The following PITX3 variants were observed in gnomAD, a reference collection of about 807,000 sequenced individuals.
PITX3 encodes paired like homeodomain 3.
Under a neutral mutation model 14.2 loss-of-function variants are expected in PITX3, and 4 were observed. The ratio of observed to expected loss-of-function variants is 0.28; its 90% CI spans 0.14 to 0.65. The LOEUF is 0.65. Among genes scored for constraint, PITX3 ranks in the 30% least tolerant of loss-of-function variants. The pLI, the probability that PITX3 is intolerant of heterozygous loss-of-function variation, is 0.82. For missense variants in PITX3, 358 were observed against 426.8 expected, an observed-to-expected ratio of 0.84 and a Z score of 1.42; for synonymous variants, 194 against 204.5, an observed-to-expected ratio of 0.95 and a Z score of 0.44.
chr10:102,234,605 T>C (rs189953979), intron 1 of PITX3, among the ~76,000 whole-genome samples: 4 of 151,952 alleles, frequency 2.6e-5, no homozygotes, highest in East Asian at 1.9e-4. Context: ...GAACTGAGAG[T>C]TGGAAAAAGG....
At chr10:102,236,661 C>G (rs1255630491) in intron 1 of PITX3, among the ~76,000 whole-genome samples, 1 of 152,198 alleles carries the variant, frequency 6.6e-6, no homozygotes, top group African/African-American at 2.4e-5. Flanking sequence ...CCAAGAGACA[C>G]AACCCCATGG....
At chr10:102,231,861 T>C (rs1411027900) in intron 2 of PITX3, 71 bp from the exon 3 acceptor site, 16 of 1,573,488 alleles carry the variant, frequency 1.0e-5, no homozygotes, top group Non-Finnish European at 1.4e-5. Flanking sequence ...GGGGACCTCC[T>C]AAGCCACTCG....
chr10:102,230,649 G>A lies in PITX3; in HGVS notation c.774C>T (p.Asp258=), dbSNP rs898169827. ...GGCTGGCCAGGCTCGAGTTACACGG[G>A]TCCCGATAGACGTAGGGGGAAGAGG... ...AAASSPYVYR[D]PCNSSLASLR... The change falls in exon 4 of 4, where the codon GAC becomes GAT. Residue 258 remains aspartate, a synonymous_variant. Transcript: ENST00000370002. 2.5e-6 allele frequency: 4 copies of A among 1,601,866 alleles called. No homozygotes were observed. Among genetic ancestry groups the A allele is most frequent in the Non-Finnish European group, 3.4e-6 (4 of 1,174,952 alleles).
chr10:102,232,166 T>G, intron 1 of PITX3, 74 bp from the exon 2 acceptor site: 1 of 821,092 alleles, frequency 1.2e-6, no homozygotes, highest in Non-Finnish European at 2.0e-6. Context: ...CAGCAGCGTT[T>G]CCTCGTAAAT....
At chr10:102,234,388 G>C (rs1487182496) in intron 1 of PITX3, among the ~76,000 whole-genome samples, 1 of 152,178 alleles carries the variant, frequency 6.6e-6, no homozygotes, top group Non-Finnish European at 1.5e-5. Context: ...TATTGGGTGT[G>C]AAGAGACAGG....
chr10:102,236,009 TG>T (rs1368781088), intron 1 of PITX3, among the ~76,000 whole-genome samples: 1 of 151,980 alleles, frequency 6.6e-6, no homozygotes, highest in East Asian at 1.9e-4. Flanking sequence ...GAGCCACAGC[TG>T]AGAAGGGACC....
Position 102,230,224 on chromosome 10 carries a change from A to G in PITX3, c.*290T>C. 2.2e-6 allele frequency: 1 copy of G among 445,074 alleles called. No homozygotes were observed. Among genetic ancestry groups the G allele is most frequent in the South Asian group, 4.7e-5 (1 of 21,146 alleles). The allele number at this position is 445,074 out of a possible 1,614,324, so 27.6% of individuals were successfully genotyped here. ...GCACGTTTATTTCATTTATCTTTGA[A>G]AACGAGGGAGGGGAAGCCTGGAGAA... On this transcript the variant is annotated 3_prime_UTR_variant, in exon 4 of 4. Coordinates refer to ENST00000370002, the MANE Select transcript of PITX3 (RefSeq NM_005029.4).
intron 1 of PITX3, among the ~76,000 whole-genome samples, chr10:102,236,367 T>G (rs772188015): frequency 2.0e-5 from 3 of 152,200 alleles, no homozygotes; most frequent in Non-Finnish European, 1.5e-5. Flanking sequence ...ATAACAGTGA[T>G]GGTGAGTCCA....
intron 1 of PITX3, among the ~76,000 whole-genome samples, chr10:102,239,611 G>A (rs976802492): frequency 2.0e-5 from 3 of 152,228 alleles, no homozygotes; most frequent in East Asian, 1.9e-4. Flanking sequence ...TGGGGAATAC[G>A]TATTGTATGT....
chr10:102,233,210 G>A (rs1314903156), intron 1 of PITX3, among the ~76,000 whole-genome samples: 1 of 151,812 alleles, frequency 6.6e-6, no homozygotes, highest in Non-Finnish European at 1.5e-5. Context: ...ACTCAGCTGC[G>A]GTTCTAGCCT....
In PITX3 at chr10:102,230,199, G is replaced by A; in HGVS notation, c.*315C>T. On this transcript the variant is annotated 3_prime_UTR_variant, in exon 4 of 4. Transcript: ENST00000370002. ...AATCATCACGCCTTCGACAGTCCGC[G>A]CACGTTTATTTCATTTATCTTTGAA... 2.5e-6 allele frequency: 1 copy of A among 406,076 alleles called. No individual in the cohort carries two copies. Among genetic ancestry groups the A allele is most frequent in the South Asian group, 4.9e-5 (1 of 20,262 alleles). The allele number at this position is 406,076 out of a possible 1,614,324, so 25.2% of individuals were successfully genotyped here.
In PITX3 at chr10:102,230,808, G is replaced by A. The variant is rs1229711450; in HGVS notation, c.615C>T (p.Ala205=). The change falls in exon 4 of 4, where the codon GCC becomes GCT. Residue 205 remains alanine (A), a synonymous_variant. Coordinates refer to ENST00000370002, the MANE Select transcript of PITX3 (RefSeq NM_005029.4). The stretch of plus-strand genomic sequence containing the variant: ...CCCCAGGCCCTGGCACGGTGCCCGG[G>A]GCAGCCGCGGCGGAGGGCACCATGG... The part of the protein sequence containing the change: ...AASMVPSAAA[A]PGTVPGPGAL... 1 of 1,557,868 alleles carries A rather than the reference G, an allele frequency of 6.4e-7. No homozygotes were observed. Among genetic ancestry groups the A allele is most frequent in the Non-Finnish European group, 8.7e-7 (1 of 1,151,764 alleles).
At position 102,230,389 on chromosome 10, in the gene PITX3, C is replaced by T; in HGVS notation, c.*125G>A. On this transcript the variant is annotated 3_prime_UTR_variant, in exon 4 of 4. Coordinates refer to ENST00000370002, the MANE Select transcript of PITX3 (RefSeq NM_005029.4). ...GGAAGGCCCTCTCCTGAGCCGGTGC[C>T]CCCCAGCTGCCCAAACACCCCTTTC... The T allele has an allele frequency of 7.1e-7, 1 of 1,416,350 alleles. No individual in the cohort carries two copies. 87.7% of individuals were successfully genotyped at this position (1,416,350 alleles called of 1,614,324 possible).
chr10:102,239,778 C>T (rs1046796538), intron 1 of PITX3, among the ~76,000 whole-genome samples: 1 of 152,216 alleles, frequency 6.6e-6, no homozygotes, highest in African/African-American at 2.4e-5. Context: ...TCCTCTTCAG[C>T]ATAATTGAGC....
chr10:102,230,682 C>CGCGGCG lies in PITX3; in HGVS notation c.735_740dup (p.Ala249_Ala250dup), dbSNP rs749538425. 12 of 1,578,618 alleles carry CGCGGCG rather than the reference C, an allele frequency of 7.6e-6. No homozygotes were observed. Among genetic ancestry groups the CGCGGCG allele is most frequent in the African/African-American group, 2.7e-5 (2 of 74,220 alleles). On this transcript the variant is annotated inframe_insertion, in exon 4 of 4. Coordinates refer to ENST00000370002, the MANE Select transcript of PITX3 (RefSeq NM_005029.4). ...AGACGTAGGGGGAAGAGGCGGCAGC[C>CGCGGCG]GCGGCGGCGGCGGCGGCCGAGGCAT...
intron 1 of PITX3, among the ~76,000 whole-genome samples, chr10:102,232,489 C>T (rs1343097899): frequency 6.6e-6 from 1 of 152,140 alleles, no homozygotes; most frequent in Non-Finnish European, 1.5e-5. Flanking sequence ...TCGAGACCAG[C>T]CTGGCCAACA....
At position 102,231,597 on chromosome 10, in the gene PITX3, G is replaced by A. The variant is rs1053366867; in HGVS notation, c.312C>T (p.Ala104=). ...GGTCTGGAGAGCATACCCGCACGCG[G>A]GCCTCGGTGAGGTTGGTCCACACGG... ...EIAVWTNLTE[A]RVRVWFKNRR... Residue 104 remains alanine (A), a synonymous_variant, in exon 3 of 4, where the codon GCC becomes GCT. Coordinates refer to ENST00000370002, the MANE Select transcript of PITX3 (RefSeq NM_005029.4). 2 of 1,601,672 alleles carry A rather than the reference G, an allele frequency of 1.2e-6. No homozygotes were observed. Among genetic ancestry groups the A allele is most frequent in the Middle Eastern group, 1.8e-4 (1 of 5,610 alleles).
rs1465911022 is a variant in PITX3, at chr10:102,231,681, C to T, written c.228G>A (p.Glu76=). ...RTHFTSQQLQ[E]LEATFQRNRY... is the part of the protein sequence containing the mutation. ...GGTTCCTCTGGAAGGTCGCCTCTAG[C>T]TCCTGTAGCTGCTGGCTGGTGAAGT... is the stretch of plus-strand genomic sequence containing the variant. The change falls in exon 3 of 4, where the codon GAG becomes GAA. Residue 76 remains glutamate (E), a synonymous_variant. Coordinates refer to ENST00000370002, the MANE Select transcript of PITX3 (RefSeq NM_005029.4). 9 of 1,612,124 alleles carry T rather than the reference C, an allele frequency of 5.6e-6. No homozygotes were observed. The highest frequency in any genetic ancestry group is 1.1e-5 in the South Asian group (1 of 90,760).
chr10:102,238,109 T>C (rs943605531), intron 1 of PITX3, among the ~76,000 whole-genome samples: 5 of 152,260 alleles, frequency 3.3e-5, no homozygotes, highest in African/African-American at 1.2e-4. Flanking sequence ...TTTTGAAAGT[T>C]ATTCCTCTCT....
Sources: gnomAD v4.1 joint callset for allele counts (sites outside exome capture counted in the v4.1 genomes callset) on GRCh38, gnomAD v4.1.1 for gene constraint, MANE v1.5 for transcripts, NCBI Gene and HGNC (gene_info 2026-07-23, HGNC 2026-07-21) for gene names.